The following TSNARE1 variants were observed in gnomAD, a reference collection of about 807,000 sequenced individuals.
TSNARE1 encodes t-SNARE domain-containing protein 1.
TSNARE1 carries 49 observed loss-of-function variants against 62.0 expected under a neutral mutation model. That is an observed-to-expected ratio of 0.79 (90% CI 0.63 to 1.00). TSNARE1 has a LOEUF of 1.00. Ranked by LOEUF, TSNARE1 falls within the 50% of genes least tolerant of loss-of-function variation. The pLI, the probability that TSNARE1 is intolerant of heterozygous loss-of-function variation, is 0.00. For synonymous variants in TSNARE1, 328 were observed against 294.4 expected, an observed-to-expected ratio of 1.11 and a Z score of -1.17; for missense variants, 755 against 700.1, an observed-to-expected ratio of 1.08 and a Z score of -0.88.
chr8:142,230,544 C>T (rs1344864467), intron 12 of TSNARE1, among the ~76,000 whole-genome samples: 6 of 151,944 alleles, frequency 3.9e-5, no homozygotes, highest in South Asian at 2.1e-4. Flanking sequence ...GCCAGACAGG[C>T]GGAAGACTAA....
chr8:142,274,688 G>T (rs1400656755), intron 12 of TSNARE1, 93 bp downstream of exon 12: 2 of 1,388,344 alleles, frequency 1.4e-6, no homozygotes, highest in Admixed American at 7.2e-5. Flanking sequence ...CACAGGGCAG[G>T]GCCTGGGCCC....
intron 10 of TSNARE1, among the ~76,000 whole-genome samples, chr8:142,286,762 T>C (rs1271534887): frequency 6.6e-6 from 1 of 152,276 alleles, no homozygotes; most frequent in Admixed American, 6.5e-5. Context: ...TTCCCAGTTA[T>C]AGACGTGATC....
intron 1 of TSNARE1, among the ~76,000 whole-genome samples, chr8:142,398,741 T>TGGCAGG (rs1167946562): frequency 6.6e-6 from 1 of 152,320 alleles, no homozygotes; most frequent in Non-Finnish European, 1.5e-5. Context: ...GCAGCCCTGA[T>TGGCAGG]GGCAGGGGCA....
At chr8:142,220,834 C>A (rs1816176193) in intron 13 of TSNARE1, among the ~76,000 whole-genome samples, 1 of 152,206 alleles carries the variant, frequency 6.6e-6, no homozygotes, top group Admixed American at 6.5e-5. Context: ...AGCTGTGCAA[C>A]CTCGGGCTGA....
chr8:142,331,925 G>C, intron 4 of TSNARE1, 94 bp from the exon 5 acceptor site: 1 of 1,267,578 alleles, frequency 7.9e-7, no homozygotes, highest in South Asian at 1.3e-5. Context: ...CCCAGGGGCA[G>C]GGACCCGACA....
intron 5 of TSNARE1, 98 bp from the exon 6 acceptor site, chr8:142,331,068 C>T: frequency 1.8e-6 from 2 of 1,096,828 alleles, no homozygotes; most frequent in Non-Finnish European, 2.7e-6. Flanking sequence ...GCAGGGTGAG[C>T]AGAGCCCAGG....
intron 12 of TSNARE1, among the ~76,000 whole-genome samples, chr8:142,251,636 G>A (rs1032350839): frequency 3.3e-5 from 5 of 151,974 alleles, no homozygotes; most frequent in Non-Finnish European, 5.9e-5. Flanking sequence ...AGGAGCCTTC[G>A]ACACCCTTCA....
chr8:142,256,339 A>G (rs1266708795), intron 12 of TSNARE1, among the ~76,000 whole-genome samples: 1 of 143,366 alleles, frequency 7.0e-6, no homozygotes, highest in Non-Finnish European at 1.5e-5. Flanking sequence ...CTTTGCCACC[A>G]TCATCATCAC....
intron 1 of TSNARE1, among the ~76,000 whole-genome samples, chr8:142,390,820 G>T (rs370696992): frequency 3.6e-5 from 2 of 55,208 alleles, no homozygotes; most frequent in African/African-American, 2.0e-4. Flanking sequence ...TGTACACTGC[G>T]GGGGACTCCG....
intron 12 of TSNARE1, among the ~76,000 whole-genome samples, chr8:142,255,749 T>C (rs866654311): frequency 3.1e-4 from 8 of 25,644 alleles, no homozygotes; most frequent in East Asian, 1.4e-3. Context: ...ACTGTCACCA[T>C]CACCACCACC....
In TSNARE1 at chr8:142,222,364, C is replaced by T. The variant is rs1444627879; in HGVS notation, c.*11+7109G>A. On this transcript the variant is annotated intron_variant, in intron 13 of 13. Coordinates refer to ENST00000524325, the MANE Select transcript of TSNARE1 (RefSeq NM_145003.5). Reference sequence around the variant, plus strand: ...CTCATCCACTCACTCACTCACTCATCCACTAATTCACTCACTCACTCAGTC... The same window carrying T: ...CTCATCCACTCACTCACTCACTCATTCACTAATTCACTCACTCACTCAGTC... 7.3e-5 allele frequency among the ~76,000 whole-genome samples: 7 copies of T among 95,434 alleles called. 1 individual carries two copies. The highest frequency in any genetic ancestry group is 1.1e-4 in the Admixed American group (1 of 9,382). The allele number at this position is 95,434 out of a possible 152,430, so 62.6% of individuals were successfully genotyped here. A position where few individuals can be genotyped will look rare whatever the true frequency, so the allele number is the denominator to read the frequency against.
intron 1 of TSNARE1, among the ~76,000 whole-genome samples, chr8:142,362,219 A>G (rs1170168640): frequency 6.6e-6 from 1 of 152,058 alleles, no homozygotes; most frequent in East Asian, 1.9e-4. Flanking sequence ...CTGGCATCCT[A>G]CTCCCAGGCG....
intron 13 of TSNARE1, among the ~76,000 whole-genome samples, chr8:142,225,903 G>A (rs1816749499): frequency 1.3e-5 from 2 of 152,186 alleles, no homozygotes; most frequent in South Asian, 4.1e-4. Flanking sequence ...ATGCCAGGGT[G>A]GGTCCTTCCT....
chr8:142,315,519 AG>A (rs1296476364), intron 7 of TSNARE1, among the ~76,000 whole-genome samples: 2 of 152,212 alleles, frequency 1.3e-5, no homozygotes, highest in Admixed American at 6.5e-5. Flanking sequence ...CGTGGCCTCC[AG>A]GGTCCACCAA....
intron 12 of TSNARE1, among the ~76,000 whole-genome samples, chr8:142,231,413 G>A (rs1273365524): frequency 2.0e-5 from 3 of 152,166 alleles, no homozygotes. Flanking sequence ...GGTAATAAGG[G>A]GTTGGGGGGT....
chr8:142,249,361 G>A (rs543991509), intron 12 of TSNARE1, among the ~76,000 whole-genome samples: 3 of 152,284 alleles, frequency 2.0e-5, no homozygotes, highest in Non-Finnish European at 2.9e-5. Flanking sequence ...GAAGGCTGCC[G>A]AGGCCAGCGT....
At chr8:142,304,350 G>A (rs1364144887) in intron 9 of TSNARE1, among the ~76,000 whole-genome samples, 1 of 152,232 alleles carries the variant, frequency 6.6e-6, no homozygotes, top group Non-Finnish European at 1.5e-5. Flanking sequence ...TCAGGTTCCG[G>A]CCCAGCAGTG....
chr8:142,364,794 T>C (rs879751957), intron 1 of TSNARE1, among the ~76,000 whole-genome samples: 2 of 152,194 alleles, frequency 1.3e-5, no homozygotes, highest in Admixed American at 1.3e-4. Flanking sequence ...AATTGTGTAA[T>C]TCATTGAATA....
At chr8:142,225,831 C>A (rs1816746198) in intron 13 of TSNARE1, among the ~76,000 whole-genome samples, 2 of 152,228 alleles carry the variant, frequency 1.3e-5, no homozygotes. Context: ...TAAACAACAG[C>A]CATGTGTTCT....
Sources: allele counts gnomAD v4.1 joint callset (sites outside exome capture counted in the v4.1 genomes callset), GRCh38; gene constraint gnomAD v4.1.1; transcripts MANE v1.5; gene names NCBI Gene and HGNC (gene_info 2026-07-23, HGNC 2026-07-21).